The following RIMS1 variants were observed in gnomAD, a reference collection of about 807,000 sequenced individuals.
RIMS1 encodes the protein regulating synaptic membrane exocytosis protein 1.
Under a neutral mutation model 214.1 loss-of-function variants are expected in RIMS1, and 83 were observed. That is an observed-to-expected ratio of 0.39 (90% CI 0.32 to 0.47). RIMS1 has a LOEUF of 0.47. Among genes scored for constraint, RIMS1 ranks in the 20% least tolerant of loss-of-function variants. The pLI, the probability that RIMS1 is intolerant of heterozygous loss-of-function variation, is 0.99. For synonymous variants in RIMS1, 793 were observed against 786.8 expected, an observed-to-expected ratio of 1.01 and a Z score of -0.13; for missense variants, 2,050 against 2,161.8, an observed-to-expected ratio of 0.95 and a Z score of 1.03.
At chr6:72,363,611 A>G (rs1048571847) in intron 29 of RIMS1, among the ~76,000 whole-genome samples, 5 of 152,224 alleles carry the variant, frequency 3.3e-5, no homozygotes, top group African/African-American at 1.2e-4. Flanking sequence ...TTCATTGACA[A>G]TGACTCTTTT....
chr6:72,157,673 T>G (rs1185895119), intron 4 of RIMS1, among the ~76,000 whole-genome samples: 1 of 140,458 alleles, frequency 7.1e-6, no homozygotes, highest in Non-Finnish European at 1.6e-5. Context: ...GTTCTAGTAG[T>G]CTTTCTTCTA....
At position 72,392,828 on chromosome 6, in the gene RIMS1, T is replaced by G; in HGVS notation, c.4618+18T>G. 1 of 1,530,088 alleles carries G rather than the reference T, an allele frequency of 6.5e-7. No homozygotes were observed. Among genetic ancestry groups the G allele is most frequent in the Non-Finnish European group, 9.0e-7 (1 of 1,109,528 alleles). 94.8% of individuals were successfully genotyped at this position (1,530,088 alleles called of 1,614,324 possible). A position where few individuals can be genotyped will look rare whatever the true frequency, so the allele number is the denominator to read the frequency against. On this transcript the variant is annotated intron_variant, in intron 31 of 33. Transcript: ENST00000521978. ...TGCAATGGGTAAGAATCATTTTTTT[T>G]TTCTACAAGAAAATTGATGTTTTGT...
At chr6:71,887,468 G>A (rs1294648374) in intron 1 of RIMS1, among the ~76,000 whole-genome samples, 1 of 152,122 alleles carries the variant, frequency 6.6e-6, no homozygotes, top group African/African-American at 2.4e-5. Flanking sequence ...CGGGGGCCAC[G>A]CTCGTGGTGG....
chr6:72,256,845 AG>A (rs1320424853), intron 16 of RIMS1, among the ~76,000 whole-genome samples: 1 of 152,028 alleles, frequency 6.6e-6, no homozygotes, highest in Non-Finnish European at 1.5e-5. Context: ...TCAATAGCTT[AG>A]TTGATATTTT....
chr6:71,886,924 A>T lies in RIMS1; in HGVS notation c.-100A>T. On this transcript the variant is annotated 5_prime_UTR_variant, in exon 1 of 34. Coordinates refer to ENST00000521978, the MANE Select transcript of RIMS1 (RefSeq NM_014989.7). ...TGCTCCTCCTCCTGCCGCCGCCGCTAGGGCTCCGCTGTGAGGGGGAAGCAG... is the reference window on the plus strand; with the variant it reads ...TGCTCCTCCTCCTGCCGCCGCCGCTTGGGCTCCGCTGTGAGGGGGAAGCAG... The T allele has an allele frequency of 7.2e-7, 1 of 1,398,478 alleles. No individual in the cohort carries two copies. The highest frequency in any genetic ancestry group is 9.8e-7 in the Non-Finnish European group (1 of 1,021,918). The allele number at this position is 1,398,478 out of a possible 1,614,324, so 86.6% of individuals were successfully genotyped here.
chr6:71,992,436 TTCTTTCTTTCTTTC>T (rs1484554190), intron 2 of RIMS1, among the ~76,000 whole-genome samples: 172 of 131,494 alleles, frequency 1.3e-3, no homozygotes, highest in African/African-American at 4.5e-3. Flanking sequence ...CTTTCTTTCT[TTCTTTCTTTCTTTC>T]TCTTTCTCTT....
rs375337635 is a variant in RIMS1, at chr6:72,213,194, A to G, written c.1679-20579A>G. 3.3e-4 allele frequency: 511 copies of G among 1,536,614 alleles called. No individual in the cohort carries two copies. The highest frequency in any genetic ancestry group is 4.1e-4 in the Non-Finnish European group (474 of 1,146,594). On this transcript the variant is annotated intron_variant, in intron 6 of 33. Coordinates refer to ENST00000521978, the MANE Select transcript of RIMS1 (RefSeq NM_014989.7). ...TGAGGTCTGTTGATTCCGAAGAGGG[A>G]ACAATTGAAGCTCGACGAGCAGTTG...
intron 2 of RIMS1, among the ~76,000 whole-genome samples, chr6:72,015,072 C>T: frequency 6.6e-6 from 1 of 151,874 alleles, no homozygotes; most frequent in East Asian, 1.9e-4. Flanking sequence ...GGAATATTTG[C>T]ATATAGACAA....
rs543290562 is a variant in RIMS1 at position 72,352,474 on chromosome 6, T to C, written c.4366+18639T>C. Reference sequence around the variant, plus strand: ...TTTATTCTTAGCCATCATACTATTATATCATCCTCAAGTAATTTGATATAT... The same window carrying C: ...TTTATTCTTAGCCATCATACTATTACATCATCCTCAAGTAATTTGATATAT... On this transcript the variant is annotated intron_variant, in intron 29 of 33. Transcript: ENST00000521978. 1.5e-3 allele frequency among the ~76,000 whole-genome samples: 222 copies of C among 152,348 alleles called. 1 individual carries two copies. The highest frequency in any genetic ancestry group is 4.8e-3 in the African/African-American group (200 of 41,588).
chr6:71,956,633 C>T (rs1001680817), intron 1 of RIMS1, among the ~76,000 whole-genome samples: 2 of 152,136 alleles, frequency 1.3e-5, no homozygotes, highest in African/African-American at 2.4e-5. Context: ...CGACTTCATA[C>T]AGCTATTTCT....
chr6:72,014,726 A>G (rs1363304065), intron 2 of RIMS1, among the ~76,000 whole-genome samples: 5 of 152,196 alleles, frequency 3.3e-5, no homozygotes, highest in Admixed American at 1.3e-4. Context: ...TGAATGAGTT[A>G]TCTAATTTTT....
At chr6:72,014,525 G>A (rs1308494558) in intron 2 of RIMS1, among the ~76,000 whole-genome samples, 1 of 152,036 alleles carries the variant, frequency 6.6e-6, no homozygotes, top group African/African-American at 2.4e-5. Flanking sequence ...TGGACATTTG[G>A]GTTATTTCCA....
At chr6:72,382,018 C>T (rs1442794696) in intron 29 of RIMS1, among the ~76,000 whole-genome samples, 1 of 152,110 alleles carries the variant, frequency 6.6e-6, no homozygotes, top group Non-Finnish European at 1.5e-5. Context: ...AAGAATGATT[C>T]CATCTATCTC....
chr6:72,168,192 A>G (rs914041617), intron 4 of RIMS1, among the ~76,000 whole-genome samples: 2 of 152,184 alleles, frequency 1.3e-5, no homozygotes, highest in Non-Finnish European at 2.9e-5. Context: ...GGGTGTTAGC[A>G]GTGGCAAATC....
Position 72,251,100 on chromosome 6 carries a change from A to G in RIMS1, c.2544+8A>G, listed in dbSNP as rs2154135892. The G allele has an allele frequency of 1.3e-6, 2 of 1,572,044 alleles. No individual in the cohort carries two copies. The highest frequency in any genetic ancestry group is 1.7e-6 in the Non-Finnish European group (2 of 1,157,794). Reference sequence around the variant, plus strand: ...AGTGAATTTCTTGGAGAGGTGATGTATATTTTAAAAACTCAAGTCAAATAG... The same window carrying G: ...AGTGAATTTCTTGGAGAGGTGATGTGTATTTTAAAAACTCAAGTCAAATAG... On this transcript the variant is annotated splice_region_variant and intron_variant, in intron 14 of 33. Transcript: ENST00000521978.
intron 22 of RIMS1, among the ~76,000 whole-genome samples, chr6:72,270,106 C>T (rs936241756): frequency 2.6e-5 from 4 of 151,916 alleles, no homozygotes; most frequent in African/African-American, 4.8e-5. Flanking sequence ...TATTCTTCCA[C>T]GATATCACCA....
intron 28 of RIMS1, chr6:72,316,570 G>A (rs2095809304): frequency 1.0e-5 from 4 of 400,624 alleles, no homozygotes; most frequent in African/African-American, 2.1e-5. Flanking sequence ...GAGGTGGAGG[G>A]AGGAGGAGCC....
intron 29 of RIMS1, among the ~76,000 whole-genome samples, chr6:72,384,371 A>C (rs1392850113): frequency 6.6e-6 from 1 of 152,096 alleles, no homozygotes. Flanking sequence ...CCTTTCAGGC[A>C]CCTAATCTTA....
In RIMS1 at chr6:72,264,983, T is replaced by A; in HGVS notation, c.3125T>A (p.Val1042Asp). ...AECLHTTRHL[V>D]RHYKTLPPKM... ...GTGTTGCTACGTTCCAGACATCTTG[T>A]TAGGCACTATAAAACATTACCTCCC... Residue 1042 changes from valine to aspartate, a missense_variant, in exon 20 of 34, where the codon GTT becomes GAT. Around this residue, in one of 6 missense-constraint regions of RIMS1, gnomAD observed 889 missense variants for 885.5 expected, o/e 1.00. Transcript: ENST00000521978. The A allele has an allele frequency of 6.3e-7, 1 of 1,588,680 alleles. No individual in the cohort carries two copies. Among genetic ancestry groups the A allele is most frequent in the Non-Finnish European group, 8.6e-7 (1 of 1,164,732 alleles).
Sources: gnomAD v4.1 joint callset for allele counts (sites outside exome capture counted in the v4.1 genomes callset) on GRCh38, gnomAD v4.1.1 for gene constraint, gnomAD v4.1.1 regional missense constraint, MANE v1.5 for transcripts, NCBI Gene and HGNC (gene_info 2026-07-23, HGNC 2026-07-21) for gene names.